ROCK2: variants seen among roughly 807,000 people sequenced by gnomAD.
The protein encoded by ROCK2 is Rho associated coiled-coil containing protein kinase 2, also known as rho-associated protein kinase 2.
ROCK2 carries 61 observed loss-of-function variants against 195.1 expected under a neutral mutation model. That is an observed-to-expected ratio of 0.31 (90% CI 0.25 to 0.39). The LOEUF is 0.39. ROCK2 is among the 10% of genes least tolerant of loss of function. ROCK2 has a pLI of 1.00. For synonymous variants in ROCK2, 504 were observed against 545.5 expected (o/e 0.92, Z 1.06); for missense variants, 1,109 against 1,637.4 (o/e 0.68, Z 5.57).
intron 1 of ROCK2, among the ~76,000 whole-genome samples, chr2:11,296,619 T>C (rs1367070769): frequency 6.6e-6 from 1 of 152,168 alleles, no homozygotes; most frequent in Non-Finnish European, 1.5e-5. Context: ...ATTTAAAGAT[T>C]ACGTAATTTA....
chr2:11,256,575 T>C (rs1666043389), intron 3 of ROCK2, among the ~76,000 whole-genome samples: 2 of 150,110 alleles, frequency 1.3e-5, no homozygotes, highest in Admixed American at 6.6e-5. Context: ...CTAATATACA[T>C]ATTATATATA....
chr2:11,322,972 G>GA lies in ROCK2; in HGVS notation c.141+21023dup, dbSNP rs527431753. ...AAACGCTCTCTTCACTTGCAGACAT[G>GA]AAAAAATCCAAAGCAGTGCTCTTTT... On this transcript the variant is annotated intron_variant, in intron 1 of 32. Coordinates refer to ENST00000315872, the MANE Select transcript of ROCK2 (RefSeq NM_004850.5). Among the ~76,000 whole-genome samples, 35 of 152,256 alleles carry GA rather than the reference G, an allele frequency of 2.3e-4. 1 individual carries two copies. In the South Asian group the frequency reaches 7.0e-3, roughly 31 times the overall value.
intron 1 of ROCK2, chr2:11,307,879 C>T: frequency 9.4e-7 from 1 of 1,061,772 alleles, no homozygotes; most frequent in Non-Finnish European, 1.3e-6. Context: ...GAAAAATGGG[C>T]TTGGGCGGCT....
intron 1 of ROCK2, among the ~76,000 whole-genome samples, chr2:11,331,533 T>A (rs986892059): frequency 6.6e-6 from 1 of 151,888 alleles, no homozygotes; most frequent in African/African-American, 2.4e-5. Flanking sequence ...ATACCTAACA[T>A]GTTCAAAACA....
chr2:11,234,261 T>A (rs1665125723), intron 5 of ROCK2: 1 of 152,142 alleles, frequency 6.6e-6, no homozygotes, highest in Admixed American at 6.5e-5. Context: ...ATATTCTTCT[T>A]CTCTACACCT....
intron 23 of ROCK2, among the ~76,000 whole-genome samples, chr2:11,200,106 ATTTAGGTTT>A (rs1353225082): frequency 1.3e-5 from 2 of 152,138 alleles, no homozygotes; most frequent in Non-Finnish European, 2.9e-5. Flanking sequence ...ATGCTTATAT[ATTTAGGTTT>A]TCTCTTTCAG....
At position 11,224,171 on chromosome 2, in the gene ROCK2, G is replaced by A. The variant is rs980899309; in HGVS notation, c.1007+151C>T. On this transcript the variant is annotated intron_variant, in intron 7 of 32. Coordinates refer to ENST00000315872, the MANE Select transcript of ROCK2 (RefSeq NM_004850.5). ...TAACAACAAGGTAGCCCAACACCAG[G>A]CTTAGCAGAAGGAAAAGGCTAACCC... 7.2e-6 allele frequency: 5 copies of A among 694,930 alleles called. No individual in the cohort carries two copies. The East Asian group carries it at 1.4e-4, about 20-fold the overall frequency. The allele number at this position is 694,930 out of a possible 1,614,324, so 43.0% of individuals were successfully genotyped here.
At chr2:11,267,519 A>C (rs1235471787) in intron 3 of ROCK2, among the ~76,000 whole-genome samples, 7 of 151,498 alleles carry the variant, frequency 4.6e-5, no homozygotes, top group African/African-American at 1.2e-4. Flanking sequence ...AAAAAAAAAA[A>C]CCAAAAACCA....
intron 32 of ROCK2, among the ~76,000 whole-genome samples, chr2:11,183,967 G>GCTTACTTA (rs71393857): frequency 2.0e-5 from 3 of 151,740 alleles, no homozygotes; most frequent in Admixed American, 6.6e-5. Flanking sequence ...TTTGCAACTT[G>GCTTACTTA]CTTACTTAGA....
chr2:11,260,588 TACA>T (rs1666193092), intron 3 of ROCK2, among the ~76,000 whole-genome samples: 2 of 152,062 alleles, frequency 1.3e-5, no homozygotes, highest in East Asian at 1.9e-4. Context: ...AAGCAATCCA[TACA>T]ACATTAAGAG....
At chr2:11,194,110 C>G (rs931225411) in intron 29 of ROCK2, 146 bp downstream of exon 29, 1 of 458,744 alleles carries the variant, frequency 2.2e-6, no homozygotes, top group African/African-American at 2.0e-5. Flanking sequence ...AACCCTGTAT[C>G]CCAGACTTTC....
chr2:11,257,368 C>T (rs1412147248), intron 3 of ROCK2, among the ~76,000 whole-genome samples: 4 of 151,536 alleles, frequency 2.6e-5, no homozygotes, highest in African/African-American at 9.8e-5. Context: ...GTCGGGGTTA[C>T]TGCTGACGCT....
chr2:11,208,301 C>T lies in ROCK2; in HGVS notation c.2350G>A (p.Val784Met), dbSNP rs1403190291. Reference sequence around the variant, plus strand: ...TTAATACTTACATCCTCATTTAGCACATCTTTCTGTTTAAGGAGCTCATTT... The same window carrying T: ...TTAATACTTACATCCTCATTTAGCATATCTTTCTGTTTAAGGAGCTCATTT... ...KINELLKQKD[V>M]LNEDVRNLTL... Residue 784 changes from valine to methionine, a missense_variant, in exon 19 of 33, where the codon GTG becomes ATG. By Grantham distance (21) the Val-to-Met change is conservative. This residue lies in a region of ROCK2 where 542 missense variants were observed against 672.0 expected (regional missense o/e 0.81). Transcript: ENST00000315872. 6 of 1,440,806 alleles carry T rather than the reference C, an allele frequency of 4.2e-6. No homozygotes were observed. Among genetic ancestry groups the T allele is most frequent in the South Asian group, 1.7e-5 (1 of 59,398 alleles). The allele number at this position is 1,440,806 out of a possible 1,614,324, so 89.3% of individuals were successfully genotyped here. A position where few individuals can be genotyped will look rare whatever the true frequency, so the allele number is the denominator to read the frequency against.
At chr2:11,222,550 A>G (rs72785500) in intron 7 of ROCK2, among the ~76,000 whole-genome samples, 6,469 of 152,268 alleles carry the variant, frequency 0.042, 278 homozygotes, top group Non-Finnish European at 0.06. Context: ...AGTTATTCAA[A>G]ACTTCCCTAA....
chr2:11,316,834 A>G (rs1044738296), intron 1 of ROCK2, among the ~76,000 whole-genome samples: 4 of 152,202 alleles, frequency 2.6e-5, no homozygotes, highest in Admixed American at 2.6e-4. Context: ...ACAAAATAGT[A>G]AGTGAATGAA....
chr2:11,264,293 A>T (rs1367123065), intron 3 of ROCK2, among the ~76,000 whole-genome samples: 1 of 152,212 alleles, frequency 6.6e-6, no homozygotes, highest in African/African-American at 2.4e-5. Context: ...ATAACGATGG[A>T]GTGGCCTGAT....
chr2:11,277,329 T>A (rs1312000115), intron 3 of ROCK2, among the ~76,000 whole-genome samples: 1 of 152,132 alleles, frequency 6.6e-6, no homozygotes, highest in East Asian at 1.9e-4. Context: ...ACCACCAATC[T>A]TTTTTTCCCC....
intron 5 of ROCK2, chr2:11,234,009 A>G (rs1234963008): frequency 1.3e-5 from 2 of 152,338 alleles, no homozygotes; most frequent in African/African-American, 2.4e-5. Context: ...GGCAGCACAT[A>G]TACTAAAATT....
chr2:11,263,754 T>C (rs1415808000), intron 3 of ROCK2, among the ~76,000 whole-genome samples: 1 of 151,728 alleles, frequency 6.6e-6, no homozygotes, highest in Non-Finnish European at 1.5e-5. Flanking sequence ...TTAAAGTTTT[T>C]TTTTTTTTAA....
Sources: gnomAD v4.1 joint callset for allele counts (sites outside exome capture counted in the v4.1 genomes callset) on GRCh38, gnomAD v4.1.1 for gene constraint, gnomAD v4.1.1 regional missense constraint, MANE v1.5 for transcripts, NCBI Gene and HGNC (gene_info 2026-07-23, HGNC 2026-07-21) for gene names.